The following OLA1 variants were observed in gnomAD, a reference collection of about 807,000 sequenced individuals.
OLA1 encodes the protein Obg like ATPase 1.
Under a neutral mutation model 48.4 loss-of-function variants are expected in OLA1, and 14 were observed. The observed-to-expected ratio is 0.29, with a 90% confidence interval of 0.19 to 0.45. The LOEUF (loss-of-function observed/expected upper bound fraction) is 0.45, where lower values mean the gene tolerates loss of function less well. Among genes scored for constraint, OLA1 ranks in the 20% least tolerant of loss-of-function variants. OLA1 has a pLI of 1.00. For synonymous variants in OLA1, 127 were observed against 150.4 expected (o/e 0.84, Z 1.14); for missense variants, 325 against 467.1 (o/e 0.70, Z 2.80).
At chr2:174,100,096 C>G (rs767628627) in intron 7 of OLA1, among the ~76,000 whole-genome samples, 3 of 152,000 alleles carry the variant, frequency 2.0e-5, no homozygotes, top group Admixed American at 6.6e-5. Flanking sequence ...AAGTAAATAA[C>G]CAAAGCAAGA....
Position 174,247,398 on chromosome 2 carries a change from T to C in OLA1, c.1-583A>G, listed in dbSNP as rs951994129. On this transcript the variant is annotated intron_variant, in intron 1 of 10. Coordinates refer to ENST00000284719, the MANE Select transcript of OLA1 (RefSeq NM_013341.5). ...AATAAATAAATAAATAAATAAAATA[T>C]TTGTGGCACCAGGAATCAAAGATAA... 8.7e-6 allele frequency: 3 copies of C among 345,356 alleles called. No homozygotes were observed. The East Asian group carries it at 1.5e-4, about 17-fold the overall frequency. 21.4% of individuals were successfully genotyped at this position (345,356 alleles called of 1,614,324 possible).
chr2:174,147,239 C>T (rs1170792306), intron 4 of OLA1, among the ~76,000 whole-genome samples: 1 of 152,004 alleles, frequency 6.6e-6, no homozygotes, highest in South Asian at 2.1e-4. Context: ...CCAGCCTGAC[C>T]GACATGGAGA....
chr2:174,108,731 G>C (rs1314147101), intron 7 of OLA1, among the ~76,000 whole-genome samples: 1 of 152,160 alleles, frequency 6.6e-6, no homozygotes, highest in Non-Finnish European at 1.5e-5. Context: ...TTCAGTGTCA[G>C]ACTGTCTAGC....
Position 174,073,752 on chromosome 2 carries a change from T to C in OLA1, c.*1674A>G, listed in dbSNP as rs1361993004. 3 of 152,214 alleles carry C rather than the reference T, an allele frequency of 2.0e-5. No homozygotes were observed. The highest frequency in any genetic ancestry group is 4.4e-5 in the Non-Finnish European group (3 of 68,040). 9.4% of individuals were successfully genotyped at this position (152,214 alleles called of 1,614,324 possible). A position where few individuals can be genotyped will look rare whatever the true frequency, so the allele number is the denominator to read the frequency against. ...GACCCAAAAGCAAGATATTTGATTC[T>C]TTCTTATACTGCTGAAATCCCTAAC... On this transcript the variant is annotated 3_prime_UTR_variant, in exon 11 of 11. Coordinates refer to ENST00000284719, the MANE Select transcript of OLA1 (RefSeq NM_013341.5).
At chr2:174,144,950 AAATATATATATAT>A (rs1333996195) in intron 4 of OLA1, among the ~76,000 whole-genome samples, 2 of 63,502 alleles carry the variant, frequency 3.1e-5, no homozygotes, top group African/African-American at 5.2e-5. Context: ...AAAAAAAAAA[AAATATATATATAT>A]ATATATATAT....
chr2:174,215,040 A>C (rs1201557974), intron 4 of OLA1, among the ~76,000 whole-genome samples: 1 of 151,602 alleles, frequency 6.6e-6, no homozygotes, highest in African/African-American at 2.4e-5. Context: ...ACAGAGTGAG[A>C]CTATCTCAAA....
intron 4 of OLA1, chr2:174,172,712 AGT>A (rs1687337892): frequency 6.4e-6 from 1 of 155,898 alleles, no homozygotes; most frequent in Admixed American, 6.5e-5. Flanking sequence ...TACAACTTCA[AGT>A]ACCAGTGCAG....
intron 7 of OLA1, among the ~76,000 whole-genome samples, chr2:174,089,468 T>C (rs1413415381): frequency 6.6e-6 from 1 of 152,208 alleles, no homozygotes; most frequent in African/African-American, 2.4e-5. Context: ...CCTGCTTATA[T>C]TTCCCAGGTT....
In OLA1 at chr2:174,088,733, G is replaced by A. The variant is rs545077037; in HGVS notation, c.729-6669C>T. 5.9e-5 allele frequency among the ~76,000 whole-genome samples: 9 copies of A among 152,196 alleles called. No homozygotes were observed. The East Asian group carries it at 1.4e-3, about 23-fold the overall frequency. On this transcript the variant is annotated intron_variant, in intron 7 of 10. Transcript: ENST00000284719. ...CCTCTTCTAAAAGAGAGCTAAGGCC[G>A]GGCTTGGTGGTTCATGCCTATAATC...
intron 5 of OLA1, among the ~76,000 whole-genome samples, chr2:174,139,334 C>A (rs1383613215): frequency 6.6e-6 from 1 of 152,194 alleles, no homozygotes; most frequent in African/African-American, 2.4e-5. Flanking sequence ...GCTAGAACTT[C>A]TCCCCCAGAG....
rs1269946672 is a variant in OLA1, at chr2:174,072,831, C to T, written c.*2595G>A. On this transcript the variant is annotated 3_prime_UTR_variant, in exon 11 of 11. Transcript: ENST00000284719. ...AAGTGAACAGAGGCTTCACTCATAA[C>T]TAAGTTAGCGACAAAAACTATTTGT... is the stretch of plus-strand genomic sequence containing the variant. 6.6e-6 allele frequency: 1 copy of T among 152,234 alleles called. No homozygotes were observed. Among genetic ancestry groups the T allele is most frequent in the East Asian group, 1.9e-4 (1 of 5,198 alleles). 9.4% of individuals were successfully genotyped at this position (152,234 alleles called of 1,614,324 possible). A position where few individuals can be genotyped will look rare whatever the true frequency, so the allele number is the denominator to read the frequency against.
chr2:174,190,433 T>C (rs1687748290), intron 4 of OLA1, among the ~76,000 whole-genome samples: 1 of 152,138 alleles, frequency 6.6e-6, no homozygotes, highest in Admixed American at 6.5e-5. Context: ...GAAGCTTAAA[T>C]ATTACTCCTT....
chr2:174,114,205 G>A (rs1481532066), intron 7 of OLA1, among the ~76,000 whole-genome samples: 1 of 148,946 alleles, frequency 6.7e-6, no homozygotes, highest in Admixed American at 6.7e-5. Flanking sequence ...TAGCCAGCCT[G>A]GTGGCGGGCG....
rs1687059494 is a variant in OLA1, at chr2:174,163,407, GCCGGGTGTGGTGGCTCAC to G, written c.374-21425_374-21408del. 4.0e-5 allele frequency among the ~76,000 whole-genome samples: 6 copies of G among 151,874 alleles called. No individual in the cohort carries two copies. The East Asian group carries it at 1.2e-3, about 30-fold the overall frequency. Reference sequence around the variant, plus strand: ...AATTTTATTAATTAAAAATAAATATGCCGGGTGTGGTGGCTCACGCCTGTAATCCCAGAACTTTGGGAG... The same window carrying G: ...AATTTTATTAATTAAAAATAAATATGGCCTGTAATCCCAGAACTTTGGGAG... On this transcript the variant is annotated intron_variant, in intron 4 of 10. Coordinates refer to ENST00000284719, the MANE Select transcript of OLA1 (RefSeq NM_013341.5).
At chr2:174,247,538 G>A in intron 1 of OLA1, 1 of 1,393,782 alleles carries the variant, frequency 7.2e-7, no homozygotes, top group Non-Finnish European at 9.7e-7. Context: ...ACAGAAGACA[G>A]TCAAAGAAAA....
At chr2:174,142,460 T>C (rs1016599856) in intron 4 of OLA1, among the ~76,000 whole-genome samples, 5 of 152,140 alleles carry the variant, frequency 3.3e-5, no homozygotes, top group Non-Finnish European at 7.4e-5. Flanking sequence ...GATTAGATAA[T>C]GAACCACTCA....
intron 7 of OLA1, among the ~76,000 whole-genome samples, chr2:174,082,474 C>A (rs1039585785): frequency 1.3e-5 from 2 of 152,110 alleles, no homozygotes; most frequent in Non-Finnish European, 2.9e-5. Context: ...AAAATACCAG[C>A]TAATTCTGAA....
intron 4 of OLA1, among the ~76,000 whole-genome samples, chr2:174,198,785 T>G (rs10930654): frequency 0.53 from 80,861 of 151,934 alleles, 22,090 homozygotes; most frequent in East Asian, 0.94. Flanking sequence ...TGTCTCAAAA[T>G]TTCTCTCTGT....
chr2:174,125,529 G>C (rs959374593), intron 5 of OLA1, among the ~76,000 whole-genome samples: 2 of 151,910 alleles, frequency 1.3e-5, no homozygotes, highest in Admixed American at 1.3e-4. Flanking sequence ...ACAAAAGAAA[G>C]CCAAACAAAA....
Sources: gnomAD v4.1 joint callset for allele counts (sites outside exome capture counted in the v4.1 genomes callset) on GRCh38, gnomAD v4.1.1 for gene constraint, MANE v1.5 for transcripts, NCBI Gene and HGNC (gene_info 2026-07-23, HGNC 2026-07-21) for gene names.